The following TRAT1 variants were observed in gnomAD, a reference collection of about 807,000 sequenced individuals.
TRAT1 encodes the protein T-cell receptor-associated transmembrane adapter 1.
Under a neutral mutation model 20.0 loss-of-function variants are expected in TRAT1, and 20 were observed. The observed-to-expected ratio is 1.00, with a 90% CI of 0.70 to 1.45. TRAT1 has a LOEUF of 1.45. Among genes scored for constraint, TRAT1 ranks in the 40% most tolerant of loss-of-function variants. TRAT1 has a pLI of 0.00. For synonymous variants in TRAT1, 77 were observed against 74.2 expected (o/e 1.04, Z -0.20); for missense variants, 237 against 224.1 (o/e 1.06, Z -0.37).
intron 3 of TRAT1, among the ~76,000 whole-genome samples, chr3:108,843,310 T>A (rs565372917): frequency 2.6e-5 from 4 of 152,190 alleles, no homozygotes; most frequent in African/African-American, 9.7e-5. Flanking sequence ...GGCAGGCAGA[T>A]CACCAGGTCA....
chr3:108,829,784 G>A (rs773203433), intron 1 of TRAT1, among the ~76,000 whole-genome samples: 164 of 152,210 alleles, frequency 1.1e-3, no homozygotes, highest in Non-Finnish European at 9.7e-4. Context: ...CTACTGTGCT[G>A]CCCATTGTAG....
chr3:108,829,216 A>C (rs1176035860), intron 1 of TRAT1, among the ~76,000 whole-genome samples: 1 of 152,144 alleles, frequency 6.6e-6, no homozygotes, highest in Middle Eastern at 3.2e-3. Flanking sequence ...GTTTGTAGGG[A>C]AGCTGTTCTA....
intron 3 of TRAT1, among the ~76,000 whole-genome samples, chr3:108,841,581 C>T (rs773100715): frequency 2.0e-5 from 3 of 152,080 alleles, no homozygotes; most frequent in Non-Finnish European, 2.9e-5. Context: ...AAACTTCTAT[C>T]GCACTGGGTT....
chr3:108,838,776 G>T (rs1945864805), intron 2 of TRAT1, among the ~76,000 whole-genome samples, 158 bp from the exon 3 acceptor site: 1 of 152,114 alleles, frequency 6.6e-6, no homozygotes, highest in Admixed American at 6.5e-5. Flanking sequence ...GGCCCAAGAG[G>T]AGACCTTTAA....
chr3:108,825,060 C>T (rs1242948391), intron 1 of TRAT1, among the ~76,000 whole-genome samples: 1 of 151,934 alleles, frequency 6.6e-6, no homozygotes, highest in Admixed American at 6.6e-5. Flanking sequence ...ATTTAAAAAC[C>T]TCACAGGTAT....
chr3:108,822,820 C>A lies in TRAT1; in HGVS notation c.-108C>A. On this transcript the variant is annotated 5_prime_UTR_variant, in exon 1 of 6. Coordinates refer to ENST00000295756, the MANE Select transcript of TRAT1 (RefSeq NM_016388.4). ...AAAGATAAGTTTTACTGTCATGCTG[C>A]TTTTAACATAACAGAGCAACATCAC... 1 of 879,252 alleles carries A rather than the reference C, an allele frequency of 1.1e-6. No individual in the cohort carries two copies. The highest frequency in any genetic ancestry group is 1.8e-6 in the Non-Finnish European group (1 of 541,682). The allele number at this position is 879,252 out of a possible 1,614,324, so 54.5% of individuals were successfully genotyped here.
chr3:108,839,273 T>C, intron 3 of TRAT1: 1 of 341,596 alleles, frequency 2.9e-6, no homozygotes, highest in Non-Finnish European at 5.3e-6. Flanking sequence ...CCAGCTTAGA[T>C]ACAGAATTGT....
Position 108,853,908 on chromosome 3 carries a change from T to A in TRAT1, c.*31T>A, listed in dbSNP as rs1406737003. 1 of 1,605,766 alleles carries A rather than the reference T, an allele frequency of 6.2e-7. No individual in the cohort carries two copies. The highest frequency in any genetic ancestry group is 1.7e-5 in the Admixed American group (1 of 59,552). On this transcript the variant is annotated 3_prime_UTR_variant, in exon 6 of 6. Transcript: ENST00000295756. ...CCATGATCTAGTTCAATGATTTGGC[T>A]CCTATTGAAGATGGCTTCTAAGAAA... is the stretch of plus-strand genomic sequence containing the variant.
At chr3:108,851,834 A>G (rs1179371045) in intron 5 of TRAT1, among the ~76,000 whole-genome samples, 1 of 152,190 alleles carries the variant, frequency 6.6e-6, no homozygotes, top group Non-Finnish European at 1.5e-5. Context: ...GTCCTTTCTT[A>G]GGACTCACAT....
At chr3:108,830,164 C>T (rs1945779865) in intron 1 of TRAT1, among the ~76,000 whole-genome samples, 1 of 152,086 alleles carries the variant, frequency 6.6e-6, no homozygotes, top group Admixed American at 6.6e-5. Context: ...AGAAAAGCTC[C>T]CTGTGGCCAA....
chr3:108,849,113 T>C, intron 4 of TRAT1, 53 bp from the exon 5 acceptor site: 2 of 1,424,204 alleles, frequency 1.4e-6, no homozygotes, highest in South Asian at 1.2e-5. Flanking sequence ...TTTTTAATCA[T>C]ACTAGTATTT....
chr3:108,849,628 G>A (rs1030757220), intron 5 of TRAT1, among the ~76,000 whole-genome samples: 2 of 152,198 alleles, frequency 1.3e-5, no homozygotes, highest in Admixed American at 6.5e-5. Flanking sequence ...GGGGTAGGGA[G>A]AGGGAGACCT....
At chr3:108,824,528 G>T (rs2922115) in intron 1 of TRAT1, among the ~76,000 whole-genome samples, 149,989 of 152,328 alleles carry the variant, frequency 0.98, 73,878 homozygotes, top group Middle Eastern at 1. Context: ...ATAGTCTGAT[G>T]ACCTCTTTTG....
intron 2 of TRAT1, 56 bp downstream of exon 2, chr3:108,830,836 C>G: frequency 9.0e-7 from 1 of 1,110,582 alleles, no homozygotes; most frequent in Admixed American, 1.8e-5. Flanking sequence ...ACTATGGAGT[C>G]ACTGGAAAAC....
chr3:108,838,083 T>C (rs1216211760), intron 2 of TRAT1, among the ~76,000 whole-genome samples: 2 of 152,194 alleles, frequency 1.3e-5, no homozygotes, highest in Non-Finnish European at 2.9e-5. Flanking sequence ...CTACAACACA[T>C]CTCTGGTAAG....
chr3:108,849,346 T>G (rs1945975602), intron 5 of TRAT1, 92 bp downstream of exon 5: 1 of 1,100,408 alleles, frequency 9.1e-7, no homozygotes, highest in Admixed American at 2.3e-5. Context: ...TGTTAGAAAT[T>G]TTGCAATCAA....
At chr3:108,829,697 A>T (rs1945774298) in intron 1 of TRAT1, among the ~76,000 whole-genome samples, 1 of 151,958 alleles carries the variant, frequency 6.6e-6, no homozygotes, top group Admixed American at 6.6e-5. Context: ...TTTATCATTT[A>T]GTGACTTCAT....
At chr3:108,846,806 A>G (rs924585204) in intron 3 of TRAT1, among the ~76,000 whole-genome samples, 2 of 152,240 alleles carry the variant, frequency 1.3e-5, no homozygotes, top group African/African-American at 4.8e-5. Context: ...ATATACAGTT[A>G]CTATTGAATA....
Position 108,853,749 on chromosome 3 carries a change from G to T in TRAT1, c.433G>T (p.Ala145Ser). 1 of 1,614,146 alleles carries T rather than the reference G, an allele frequency of 6.2e-7. No individual in the cohort carries two copies. Among genetic ancestry groups the T allele is most frequent in the Non-Finnish European group, 8.5e-7 (1 of 1,180,012 alleles). ...DGDEQLHAIDASVSKTTLVDS... is the reference protein window; with the variant it reads ...DGDEQLHAIDSSVSKTTLVDS... Reference sequence around the variant, plus strand: ...AGATGAGCAACTACATGCAATAGATGCCAGCGTTTCTAAGACCACCTTAGT... The same window carrying T: ...AGATGAGCAACTACATGCAATAGATTCCAGCGTTTCTAAGACCACCTTAGT... The change falls in exon 6 of 6, where the codon GCC (alanine) becomes TCC (serine). Residue 145 changes from alanine to serine, a missense_variant. By Grantham distance (99) the Ala-to-Ser change is moderately conservative (BLOSUM62 1). Transcript: ENST00000295756.
Sources: gnomAD v4.1 joint callset for allele counts (sites outside exome capture counted in the v4.1 genomes callset) on GRCh38, gnomAD v4.1.1 for gene constraint, MANE v1.5 for transcripts, NCBI Gene and HGNC (gene_info 2026-07-23, HGNC 2026-07-21) for gene names.